TMEM135: variants seen among roughly 807,000 people sequenced by gnomAD.
The protein encoded by TMEM135 is transmembrane protein 135.
TMEM135 carries 30 observed loss-of-function variants against 60.3 expected under a neutral mutation model. The observed-to-expected ratio is 0.50, with a 90% CI of 0.37 to 0.68. TMEM135 has a LOEUF of 0.68. TMEM135 is among the 30% of genes least tolerant of loss of function. The pLI, the probability that TMEM135 is intolerant of heterozygous loss-of-function variation, is 0.00. For missense variants in TMEM135, 468 were observed against 548.8 expected (o/e 0.85, Z 1.47); for synonymous variants, 190 against 186.7 (o/e 1.02, Z -0.14).
At chr11:87,234,459 C>T (rs1474883734) in intron 5 of TMEM135, among the ~76,000 whole-genome samples, 1 of 151,932 alleles carries the variant, frequency 6.6e-6, no homozygotes, top group Non-Finnish European at 1.5e-5. Flanking sequence ...TTGATTTATT[C>T]TCCTAATTAT....
At chr11:87,274,411 T>C (rs946516286) in intron 6 of TMEM135, among the ~76,000 whole-genome samples, 2 of 152,200 alleles carry the variant, frequency 1.3e-5, no homozygotes, top group Admixed American at 6.5e-5. Context: ...TCTATACTTT[T>C]CTGCTTATAA....
At chr11:87,302,212 A>T in intron 7 of TMEM135, 84 bp from the exon 8 acceptor site, 1 of 1,398,728 alleles carries the variant, frequency 7.1e-7, no homozygotes, top group Non-Finnish European at 9.9e-7. Flanking sequence ...GCCAAAGCGT[A>T]TTTGTTTATA....
intron 6 of TMEM135, among the ~76,000 whole-genome samples, chr11:87,257,474 T>A (rs1324009417): frequency 6.6e-6 from 1 of 152,212 alleles, no homozygotes; most frequent in Admixed American, 6.5e-5. Flanking sequence ...TTTGTGACTT[T>A]GGGTAAGTTA....
chr11:87,076,759 C>G (rs1185875652), intron 3 of TMEM135, among the ~76,000 whole-genome samples: 1 of 152,084 alleles, frequency 6.6e-6, no homozygotes, highest in Non-Finnish European at 1.5e-5. Flanking sequence ...ATGAATCCTG[C>G]CAGTACTGGG....
rs183292563 is a variant in TMEM135, at chr11:87,250,850, G to A, written c.509+14166G>A. Among the ~76,000 whole-genome samples, 414 of 152,270 alleles carry A rather than the reference G, an allele frequency of 2.7e-3. 3 individuals carry two copies. The highest frequency in any genetic ancestry group is 9.6e-3 in the African/African-American group (398 of 41,556). On this transcript the variant is annotated intron_variant, in intron 6 of 14. Transcript: ENST00000305494. The stretch of plus-strand genomic sequence containing the variant: ...TTTTATTGTAAAGGGATTACTTGCA[G>A]CAATGCAGAGAGTGAATTTGGGATT...
At position 87,322,974 on chromosome 11, in the gene TMEM135, A is replaced by G. The variant is rs781071527; in HGVS notation, c.*1641A>G. 3 of 454,280 alleles carry G rather than the reference A, an allele frequency of 6.6e-6. No individual in the cohort carries two copies. Among genetic ancestry groups the G allele is most frequent in the South Asian group, 1.6e-5 (1 of 64,458 alleles). The allele number at this position is 454,280 out of a possible 1,614,324, so 28.1% of individuals were successfully genotyped here. ...CTTTTTATTCACTGGAATCAAAACG[A>G]TGGTTGGTACTGTGTTTACTGTTTA... On this transcript the variant is annotated 3_prime_UTR_variant, in exon 15 of 15. Coordinates refer to ENST00000305494, the MANE Select transcript of TMEM135 (RefSeq NM_022918.4).
chr11:87,273,766 C>A (rs1941914844), intron 6 of TMEM135, among the ~76,000 whole-genome samples: 1 of 152,090 alleles, frequency 6.6e-6, no homozygotes, highest in Admixed American at 6.6e-5. Context: ...ACAGCAAAAT[C>A]TTTATAATAA....
intron 5 of TMEM135, among the ~76,000 whole-genome samples, chr11:87,234,547 T>C (rs1940954700): frequency 6.6e-6 from 1 of 152,068 alleles, no homozygotes; most frequent in Admixed American, 6.6e-5. Flanking sequence ...GGGTTAGGTT[T>C]TTCTATCTAG....
intron 4 of TMEM135, among the ~76,000 whole-genome samples, chr11:87,105,092 C>G (rs2135189664): frequency 6.6e-6 from 1 of 152,236 alleles, no homozygotes; most frequent in South Asian, 2.1e-4. Flanking sequence ...GTACATTCCT[C>G]TATACCTAAT....
intron 4 of TMEM135, among the ~76,000 whole-genome samples, chr11:87,144,691 A>G (rs554523981): frequency 5.1e-4 from 73 of 143,762 alleles, no homozygotes; most frequent in Middle Eastern, 3.6e-3. Flanking sequence ...GTTTTACTGT[A>G]TGTACTTTGT....
At chr11:87,156,028 A>G (rs1225170937) in intron 4 of TMEM135, among the ~76,000 whole-genome samples, 1 of 152,184 alleles carries the variant, frequency 6.6e-6, no homozygotes, top group Non-Finnish European at 1.5e-5. Context: ...TTTATGCTTA[A>G]TTATAACTAT....
chr11:87,242,722 G>C (rs1234733242), intron 6 of TMEM135, among the ~76,000 whole-genome samples: 1 of 140,916 alleles, frequency 7.1e-6, no homozygotes, highest in East Asian at 2.0e-4. Context: ...TTGTAAATTT[G>C]TTTGAGTTCA....
intron 14 of TMEM135, among the ~76,000 whole-genome samples, chr11:87,319,801 T>C (rs544911364): frequency 6.6e-6 from 1 of 152,318 alleles, no homozygotes; most frequent in East Asian, 1.9e-4. Flanking sequence ...ATTTTTGCTT[T>C]GTTTTGTTTT....
chr11:87,248,339 T>C (rs1181319645), intron 6 of TMEM135, among the ~76,000 whole-genome samples: 1 of 152,224 alleles, frequency 6.6e-6, no homozygotes, highest in Non-Finnish European at 1.5e-5. Flanking sequence ...GGGTTCCTTT[T>C]CTTCACATCT....
chr11:87,181,528 A>C (rs1939515600), intron 5 of TMEM135, among the ~76,000 whole-genome samples: 2 of 152,174 alleles, frequency 1.3e-5, no homozygotes, highest in African/African-American at 4.8e-5. Flanking sequence ...GACATTCTGC[A>C]AAAGCAAAAA....
rs552189991 is a variant in TMEM135, at chr11:87,307,484, A to C, written c.768+1479A>C. On this transcript the variant is annotated intron_variant, in intron 9 of 14. Coordinates refer to ENST00000305494, the MANE Select transcript of TMEM135 (RefSeq NM_022918.4). ...TGATTGTAGTTCAAAGGAAAACTTT[A>C]GATGGGGAACTAAGAGGAGTATTTG... Among the ~76,000 whole-genome samples the C allele has an allele frequency of 2.0e-5, 3 of 152,170 alleles. No homozygotes were observed. In the South Asian group the frequency reaches 6.2e-4, roughly 32 times the overall value.
chr11:87,207,659 C>T (rs1248082556), intron 5 of TMEM135, among the ~76,000 whole-genome samples: 1 of 152,146 alleles, frequency 6.6e-6, no homozygotes, highest in Admixed American at 6.5e-5. Flanking sequence ...TTCTTAGTCC[C>T]ATTTAATAAA....
intron 1 of TMEM135, among the ~76,000 whole-genome samples, chr11:87,066,297 A>T: frequency 6.6e-6 from 1 of 151,970 alleles, no homozygotes; most frequent in Non-Finnish European, 1.5e-5. Context: ...ACTAGTGAGG[A>T]GTCTATTATT....
At chr11:87,201,115 C>T (rs1940085709) in intron 5 of TMEM135, among the ~76,000 whole-genome samples, 1 of 151,880 alleles carries the variant, frequency 6.6e-6, no homozygotes, top group Admixed American at 6.6e-5. Context: ...CCTGTTTGTA[C>T]GTGAGGAAGA....
Sources: allele counts gnomAD v4.1 joint callset (sites outside exome capture counted in the v4.1 genomes callset), GRCh38; gene constraint gnomAD v4.1.1; transcripts MANE v1.5; gene names NCBI Gene and HGNC (gene_info 2026-07-23, HGNC 2026-07-21).